MAN1A2: variants seen among roughly 807,000 people sequenced by gnomAD.
MAN1A2 encodes the protein mannosidase alpha class 1A member 2.
In MAN1A2, 26 loss-of-function variants were observed where a neutral mutation model predicts 75.7. The ratio of observed to expected loss-of-function variants is 0.34; its 90% CI spans 0.25 to 0.48. The LOEUF (loss-of-function observed/expected upper bound fraction) is 0.48. MAN1A2 is among the 20% of genes least tolerant of loss of function. The pLI is 0.99. For missense variants in MAN1A2, 562 were observed against 775.5 expected, an observed-to-expected ratio of 0.72 and a Z score of 3.27; for synonymous variants, 247 against 264.6, an observed-to-expected ratio of 0.93 and a Z score of 0.65.
chr1:117,372,133 A>G (rs1329795771), intron 1 of MAN1A2, among the ~76,000 whole-genome samples: 1 of 152,210 alleles, frequency 6.6e-6, no homozygotes, highest in East Asian at 1.9e-4. Flanking sequence ...AAATTAAAAA[A>G]ATTAAATAAT....
chr1:117,398,322 C>T (rs984204417), intron 1 of MAN1A2, among the ~76,000 whole-genome samples: 4 of 151,924 alleles, frequency 2.6e-5, no homozygotes, highest in Admixed American at 2.6e-4. Flanking sequence ...GTGTTTTAAG[C>T]GAGGAAACCT....
At chr1:117,460,021 AT>A (rs1157185800) in intron 6 of MAN1A2, among the ~76,000 whole-genome samples, 1 of 151,878 alleles carries the variant, frequency 6.6e-6, no homozygotes, top group African/African-American at 2.4e-5. Flanking sequence ...AGGGTGGGGC[AT>A]TCCACTTGAG....
intron 1 of MAN1A2, among the ~76,000 whole-genome samples, chr1:117,376,644 C>G (rs1349993231): frequency 6.6e-6 from 1 of 152,230 alleles, no homozygotes; most frequent in Non-Finnish European, 1.5e-5. Flanking sequence ...GAATCAGGCT[C>G]TGGCATCTGA....
At chr1:117,511,250 C>T (rs1329977764) in intron 12 of MAN1A2, among the ~76,000 whole-genome samples, 1 of 152,086 alleles carries the variant, frequency 6.6e-6, no homozygotes, top group East Asian at 1.9e-4. Context: ...ACATCCCTCC[C>T]TCTACATATG....
In MAN1A2 at chr1:117,371,407, G is replaced by A. The variant is rs146459739; in HGVS notation, c.302+2922G>A. Among the ~76,000 whole-genome samples, 1,068 of 152,264 alleles carry A rather than the reference G, an allele frequency of 7.0e-3. 9 individuals carry two copies. Among genetic ancestry groups the A allele is most frequent in the Non-Finnish European group, 0.01 (711 of 68,008 alleles). ...GTTTTTGAGGTGTGATGAATGTTAC[G>A]AAGTTGTACTCAGTGCTTTCAGAGC... On this transcript the variant is annotated intron_variant, in intron 1 of 12. Transcript: ENST00000356554.
chr1:117,438,953 A>G lies in MAN1A2; in HGVS notation c.856-3278A>G, dbSNP rs143821470. On this transcript the variant is annotated intron_variant, in intron 5 of 12. Coordinates refer to ENST00000356554, the MANE Select transcript of MAN1A2 (RefSeq NM_006699.5). ...GCACCAAGGAGAAAAATAAAGTGGG[A>G]TGGGGCATAAAGGAGTTTAAATTTC... Among the ~76,000 whole-genome samples the G allele has an allele frequency of 7.0e-3, 1,067 of 152,328 alleles. 9 individuals carry two copies. Among genetic ancestry groups the G allele is most frequent in the Non-Finnish European group, 0.01 (712 of 68,026 alleles).
intron 1 of MAN1A2, among the ~76,000 whole-genome samples, chr1:117,375,672 CAGA>C (rs550796049): frequency 3.6e-4 from 55 of 152,230 alleles, no homozygotes; most frequent in African/African-American, 1.2e-3. Context: ...ATGAATGTTA[CAGA>C]AGATTAATTT....
At chr1:117,451,705 G>A (rs147540197) in intron 6 of MAN1A2, among the ~76,000 whole-genome samples, 1 of 152,242 alleles carries the variant, frequency 6.6e-6, no homozygotes, top group African/African-American at 2.4e-5. Context: ...CTGCCACCAT[G>A]TGAGATGTGC....
At chr1:117,425,787 G>C (rs972564592) in intron 5 of MAN1A2, among the ~76,000 whole-genome samples, 3 of 152,116 alleles carry the variant, frequency 2.0e-5, no homozygotes, top group African/African-American at 7.2e-5. Context: ...ATAGATTTCA[G>C]TTTTATGCTG....
intron 5 of MAN1A2, among the ~76,000 whole-genome samples, chr1:117,438,618 C>T (rs1648926576): frequency 6.6e-6 from 1 of 152,102 alleles, no homozygotes; most frequent in Non-Finnish European, 1.5e-5. Flanking sequence ...TGGTCAGTGC[C>T]CTGTACAGAT....
chr1:117,412,429 G>A (rs1215477454), intron 3 of MAN1A2, among the ~76,000 whole-genome samples: 2 of 151,198 alleles, frequency 1.3e-5, no homozygotes, highest in African/African-American at 2.4e-5. Context: ...GGTTCTTCAT[G>A]GAACCATTTC....
intron 8 of MAN1A2, among the ~76,000 whole-genome samples, chr1:117,482,546 G>C (rs1650534341): frequency 6.6e-6 from 1 of 152,046 alleles, no homozygotes; most frequent in Non-Finnish European, 1.5e-5. Context: ...AGACTGTTTT[G>C]AGAAGTGTCT....
intron 12 of MAN1A2, among the ~76,000 whole-genome samples, chr1:117,522,231 CATAG>C (rs1054919943): frequency 3.3e-5 from 5 of 151,798 alleles, no homozygotes. Context: ...TCCTCCTGAA[CATAG>C]ATAGAACTAA....
chr1:117,399,658 G>C (rs769511313), intron 1 of MAN1A2, among the ~76,000 whole-genome samples: 14 of 152,122 alleles, frequency 9.2e-5, no homozygotes, highest in Non-Finnish European at 1.9e-4. Flanking sequence ...TTTCTCTTCT[G>C]TCCTGAACCA....
intron 1 of MAN1A2, among the ~76,000 whole-genome samples, chr1:117,400,463 T>C (rs1647385475): frequency 6.7e-6 from 1 of 148,754 alleles, no homozygotes; most frequent in Admixed American, 6.7e-5. Flanking sequence ...TATGTAACAA[T>C]TCTATCATTA....
rs1650966424 is a variant in MAN1A2 at position 117,493,931 on chromosome 1, C to T, written c.1284+669C>T. 5 of 152,038 alleles carry T rather than the reference C, an allele frequency of 3.3e-5. No individual in the cohort carries two copies. The South Asian group carries it at 1.0e-3, about 32-fold the overall frequency. The allele number at this position is 152,038 out of a possible 1,614,324, so 9.4% of individuals were successfully genotyped here. ...TTTTCTTTCAAATGAACCCTTGAAT[C>T]TACACATTGAGAGCCTTATGGGTAA... On this transcript the variant is annotated intron_variant, in intron 9 of 12. Coordinates refer to ENST00000356554, the MANE Select transcript of MAN1A2 (RefSeq NM_006699.5).
At position 117,525,267 on chromosome 1, in the gene MAN1A2, G is replaced by C; in HGVS notation, c.*2310G>C. 1 of 364,290 alleles carries C rather than the reference G, an allele frequency of 2.7e-6. No homozygotes were observed. The highest frequency in any genetic ancestry group is 7.4e-5 in the East Asian group (1 of 13,588). The allele number at this position is 364,290 out of a possible 1,614,324, so 22.6% of individuals were successfully genotyped here. A position where few individuals can be genotyped will look rare whatever the true frequency, so the allele number is the denominator to read the frequency against. On this transcript the variant is annotated 3_prime_UTR_variant, in exon 13 of 13. Transcript: ENST00000356554. The stretch of plus-strand genomic sequence containing the variant: ...TTCTTCACCACTCCTTACCTTCTAT[G>C]TGATGGAAAGACTAGAGCTTATAAA...
chr1:117,395,387 A>G (rs1195184414), intron 1 of MAN1A2, among the ~76,000 whole-genome samples: 1 of 152,112 alleles, frequency 6.6e-6, no homozygotes, highest in Non-Finnish European at 1.5e-5. Flanking sequence ...TTGTGCCTTA[A>G]TTTTTTCATA....
intron 1 of MAN1A2, among the ~76,000 whole-genome samples, chr1:117,392,812 G>T (rs1232773181): frequency 1.3e-5 from 2 of 152,212 alleles, no homozygotes; most frequent in Non-Finnish European, 2.9e-5. Flanking sequence ...GTCCATGGCT[G>T]CATTATTAAA....
Sources: gnomAD v4.1 joint callset for allele counts (sites outside exome capture counted in the v4.1 genomes callset) on GRCh38, gnomAD v4.1.1 for gene constraint, MANE v1.5 for transcripts, NCBI Gene and HGNC (gene_info 2026-07-23, HGNC 2026-07-21) for gene names.